The following FBXL2 variants were observed in gnomAD, a reference collection of about 807,000 sequenced individuals.
FBXL2 encodes F-box/LRR-repeat protein 2.
FBXL2 carries 38 observed loss-of-function variants against 69.2 expected under a neutral mutation model. That is an observed-to-expected ratio of 0.55 (90% confidence interval 0.42 to 0.72). The LOEUF is 0.72. Among genes scored for constraint, FBXL2 ranks in the 30% least tolerant of loss-of-function variants. FBXL2 has a pLI of 0.00. For synonymous variants in FBXL2, 192 were observed against 201.3 expected (o/e 0.95, Z 0.39); for missense variants, 354 against 520.3 (o/e 0.68, Z 3.11).
In FBXL2 at chr3:33,279,041, T is replaced by C. The variant is rs55907987; in HGVS notation, c.3+1526T>C. On this transcript the variant is annotated intron_variant, in intron 1 of 14. Coordinates refer to ENST00000484457, the MANE Select transcript of FBXL2 (RefSeq NM_012157.5). ...CCCACCCTCATTCACTATTGTGAAT[T>C]TTAGAGTTTTACTTTAAAATAAAAG... 4.8e-3 allele frequency among the ~76,000 whole-genome samples: 737 copies of C among 152,336 alleles called. 6 individuals carry two copies. The highest frequency in any genetic ancestry group is 0.017 in the African/African-American group (707 of 41,576).
chr3:33,384,801 G>A (rs2043304984), intron 14 of FBXL2, among the ~76,000 whole-genome samples: 1 of 152,140 alleles, frequency 6.6e-6, no homozygotes, highest in Non-Finnish European at 1.5e-5. Context: ...AGCACTTTGG[G>A]AGGCCGAGGC....
chr3:33,325,085 C>T (rs1328556207), intron 2 of FBXL2, among the ~76,000 whole-genome samples: 2 of 152,052 alleles, frequency 1.3e-5, no homozygotes, highest in Non-Finnish European at 2.9e-5. Flanking sequence ...GGAGTTCACT[C>T]ATGATTTAGC....
chr3:33,330,914 AACACAC>A (rs112591010), intron 2 of FBXL2, among the ~76,000 whole-genome samples: 1 of 149,166 alleles, frequency 6.7e-6, no homozygotes, highest in Non-Finnish European at 1.5e-5. Context: ...CACACACACA[AACACAC>A]ACACACACAC....
At chr3:33,408,580 A>G, downstream of FBXL2, 1 of 754,028 alleles carries the variant, frequency 1.3e-6, no homozygotes, top group Non-Finnish European at 2.1e-6. Context: ...TTAAATCAAG[A>G]CATGGACATC....
At chr3:33,344,356 C>T (rs930939116) in intron 2 of FBXL2, among the ~76,000 whole-genome samples, 1 of 151,842 alleles carries the variant, frequency 6.6e-6, no homozygotes, top group African/African-American at 2.4e-5. Context: ...GTGAAGATGG[C>T]CATATAGCTA....
intron 5 of FBXL2, among the ~76,000 whole-genome samples, chr3:33,365,294 T>G (rs9844642): frequency 6.6e-6 from 1 of 151,664 alleles, no homozygotes; most frequent in Non-Finnish European, 1.5e-5. Context: ...TTTTTTTTTT[T>G]TTTGAGACCG....
intron 2 of FBXL2, among the ~76,000 whole-genome samples, chr3:33,342,846 C>G (rs1212338397): frequency 6.8e-6 from 1 of 147,814 alleles, no homozygotes; most frequent in Non-Finnish European, 1.5e-5. Flanking sequence ...CCTCAGCCTC[C>G]CGAGTAGCGT....
downstream of FBXL2, chr3:33,390,425 T>C: frequency 6.3e-7 from 1 of 1,594,114 alleles, no homozygotes; most frequent in South Asian, 1.1e-5. Flanking sequence ...TTAAGCCTAT[T>C]AAATGGAAAA....
At chr3:33,410,232 C>A in the FBXL2 span, among the ~76,000 whole-genome samples, 1 of 152,322 alleles carries the variant, frequency 6.6e-6, no homozygotes, top group African/African-American at 2.4e-5. Flanking sequence ...CTAATACCCA[C>A]CCTGGATGAC....
At chr3:33,392,357 T>C (rs1397976570), downstream of FBXL2, 4 of 476,352 alleles carry the variant, frequency 8.4e-6, no homozygotes, top group Admixed American at 1.3e-4. Context: ...TTGAGATTTT[T>C]TTTTCCAGTC....
At chr3:33,420,560 C>T in the FBXL2 span, among the ~76,000 whole-genome samples, 1 of 146,378 alleles carries the variant, frequency 6.8e-6, no homozygotes, top group African/African-American at 2.6e-5. Context: ...ACAATCTTGG[C>T]TCACTGCAAC....
intron 2 of FBXL2, among the ~76,000 whole-genome samples, chr3:33,319,274 T>C (rs754121940): frequency 1.2e-4 from 19 of 152,146 alleles, no homozygotes; most frequent in Non-Finnish European, 2.2e-4. Context: ...TGAGGACTTA[T>C]TGAAAATAAT....
At chr3:33,341,246 C>T (rs572817692) in intron 2 of FBXL2, among the ~76,000 whole-genome samples, 1 of 151,942 alleles carries the variant, frequency 6.6e-6, no homozygotes, top group South Asian at 2.1e-4. Flanking sequence ...AATACAGAGG[C>T]CAGAGGAATA....
chr3:33,416,978 C>T, the FBXL2 span: 1 of 649,702 alleles, frequency 1.5e-6, no homozygotes, highest in East Asian at 2.9e-5. Context: ...CAGGTTGATC[C>T]TTCTCTTCCC....
chr3:33,378,757 T>G lies in FBXL2; in HGVS notation c.951+16T>G. The G allele has an allele frequency of 6.2e-7, 1 of 1,614,154 alleles. No individual in the cohort carries two copies. Among genetic ancestry groups the G allele is most frequent in the East Asian group, 2.2e-5 (1 of 44,872 alleles). On this transcript the variant is annotated intron_variant, in intron 13 of 14. Coordinates refer to ENST00000484457, the MANE Select transcript of FBXL2 (RefSeq NM_012157.5). ...GCAAGCCCTGGTGAGTCTGAGTTTT[T>G]CTGACATTATTCACCTGTTAAAGAT...
intron 4 of FBXL2, among the ~76,000 whole-genome samples, chr3:33,360,272 C>G (rs1045403613): frequency 4.1e-4 from 62 of 152,192 alleles, no homozygotes; most frequent in Middle Eastern, 3.4e-3. Flanking sequence ...TAGGATTGAG[C>G]TAAGCAATTT....
At chr3:33,335,113 T>G (rs549511630) in intron 2 of FBXL2, among the ~76,000 whole-genome samples, 42 of 150,704 alleles carry the variant, frequency 2.8e-4, no homozygotes, top group South Asian at 4.2e-4. Flanking sequence ...ATAATAATAA[T>G]AATAATAAGA....
At chr3:33,332,863 C>T (rs1015854907) in intron 2 of FBXL2, among the ~76,000 whole-genome samples, 3 of 152,078 alleles carry the variant, frequency 2.0e-5, no homozygotes, top group Non-Finnish European at 2.9e-5. Flanking sequence ...AGCAAAACAT[C>T]GTTATGCAAT....
chr3:33,297,116 T>C (rs1204437985), intron 1 of FBXL2, among the ~76,000 whole-genome samples: 1 of 152,186 alleles, frequency 6.6e-6, no homozygotes, highest in Non-Finnish European at 1.5e-5. Flanking sequence ...ATTCTTCCTT[T>C]GTTAAGTTTA....
Sources: gnomAD v4.1 joint callset for allele counts (sites outside exome capture counted in the v4.1 genomes callset) on GRCh38, gnomAD v4.1.1 for gene constraint, MANE v1.5 for transcripts, NCBI Gene and HGNC (gene_info 2026-07-23, HGNC 2026-07-21) for gene names.